Variants in OR9G4 observed in about 807,000 individuals in gnomAD.
OR9G4 encodes olfactory receptor family 9 subfamily G member 4.
OR9G4 carries 19 observed loss-of-function variants against 16.7 expected under a neutral mutation model. The observed-to-expected ratio is 1.14, with a 90% confidence interval of 0.79 to 1.67. OR9G4 has a LOEUF of 1.67. OR9G4 is among the 40% of genes most tolerant of loss of function. OR9G4 has a pLI of 0.00. For missense variants in OR9G4, 428 were observed against 370.4 expected (o/e 1.16, Z -1.28); for synonymous variants, 182 against 146.2 (o/e 1.24, Z -1.76).
At chr11:56,745,039 T>G (rs936322403) in intron 1 of OR9G4, among the ~76,000 whole-genome samples, 1 of 152,056 alleles carries the variant, frequency 6.6e-6, no homozygotes, top group African/African-American at 2.4e-5. Context: ...TGTATTTACC[T>G]CCAAAAGGGC....
intron 1 of OR9G4, among the ~76,000 whole-genome samples, chr11:56,747,324 G>A (rs778860943): frequency 5.9e-5 from 9 of 151,586 alleles, no homozygotes; most frequent in Non-Finnish European, 1.2e-4. Context: ...CCTTTCAAAC[G>A]TCACATTCTG....
At position 56,743,149 on chromosome 11, in the gene OR9G4, T is replaced by C. The variant is rs1858331150; in HGVS notation, c.618A>G (p.Thr206=). The change falls in exon 2 of 2, where the codon ACA becomes ACG. Residue 206 remains threonine (T), a synonymous_variant. Transcript: ENST00000641668. The part of the protein sequence containing the change: ...EKVLLGVVGF[T]VLSSILAILI... The stretch of plus-strand genomic sequence containing the variant: ...GGATAGCAAGAATGCTGGAGAGTAC[T>C]GTGAAGCCCACCACACCAAGCAGGA... The C allele has an allele frequency of 6.2e-7, 1 of 1,613,980 alleles. No individual in the cohort carries two copies. Among genetic ancestry groups the C allele is most frequent in the Admixed American group, 1.7e-5 (1 of 60,000 alleles).
intron 1 of OR9G4, among the ~76,000 whole-genome samples, chr11:56,747,423 C>T (rs1274479872): frequency 1.3e-5 from 2 of 152,102 alleles, no homozygotes; most frequent in African/African-American, 4.8e-5. Context: ...TATTACTCTA[C>T]TCCAATTCTA....
intron 1 of OR9G4, 28 bp from the exon 2 acceptor site, chr11:56,743,816 T>C (rs780550194): frequency 2.0e-5 from 32 of 1,602,450 alleles, no homozygotes; most frequent in Non-Finnish European, 2.6e-5. Flanking sequence ...AATCATCACT[T>C]AGTGTTTTTT....
chr11:56,745,882 T>G (rs774222521), intron 1 of OR9G4, among the ~76,000 whole-genome samples: 2 of 152,202 alleles, frequency 1.3e-5, no homozygotes, highest in Non-Finnish European at 2.9e-5. Context: ...CACACGTATC[T>G]TGGGATACAC....
rs199586597 is a variant in OR9G4 at position 56,742,992 on chromosome 11, A to G, written c.775T>C (p.Tyr259His). Residue 259 changes from tyrosine to histidine, a missense_variant, in exon 2 of 2, where the codon TAT (tyrosine) becomes CAT (histidine). Transcript: ENST00000641668. ...MLFYGSLLFM[Y>H]SRPSSTYSLE... ...GAGTAGGTGGAACTAGGCCTTGAAT[A>G]CATAAACAACAATGATCCATAGAAG... The G allele has an allele frequency of 3.5e-5, 56 of 1,614,032 alleles. No homozygotes were observed. The highest frequency in any genetic ancestry group is 1.1e-5 in the South Asian group (1 of 91,092).
At chr11:56,746,252 C>T (rs1442116398) in intron 1 of OR9G4, among the ~76,000 whole-genome samples, 2 of 142,810 alleles carry the variant, frequency 1.4e-5, no homozygotes, top group Admixed American at 7.2e-5. Flanking sequence ...GAGATCCCGC[C>T]ACTGCACTCC....
Position 56,743,395 on chromosome 11 carries a change from T to C in OR9G4, c.372A>G (p.Ala124=), listed in dbSNP as rs983749715. 2 of 1,614,014 alleles carry C rather than the reference T, an allele frequency of 1.2e-6. No homozygotes were observed. The highest frequency in any genetic ancestry group is 1.7e-6 in the Non-Finnish European group (2 of 1,180,034). Residue 124 remains alanine, a synonymous_variant, in exon 2 of 2, where the codon GCA becomes GCG. Transcript: ENST00000641668. ...LLAAMAYDRH[A]AICNPLLYSG... ...AATAAAGCAATGGGTTACAAATTGC[T>C]GCATGGCGGTCATATGCCATGGCTG...
At chr11:56,746,484 C>T (rs59582818) in intron 1 of OR9G4, among the ~76,000 whole-genome samples, 10,064 of 151,898 alleles carry the variant, frequency 0.066, 1,085 homozygotes, top group African/African-American at 0.23. Flanking sequence ...TGTAAAAACA[C>T]GCAAAATTTT....
At chr11:56,745,675 G>A (rs1370267094) in intron 1 of OR9G4, among the ~76,000 whole-genome samples, 1 of 151,934 alleles carries the variant, frequency 6.6e-6, no homozygotes, top group Non-Finnish European at 1.5e-5. Context: ...GGGAGGCTGA[G>A]GCAGGAGAAT....
chr11:56,746,081 C>T (rs1858407907), intron 1 of OR9G4, among the ~76,000 whole-genome samples: 1 of 151,804 alleles, frequency 6.6e-6, no homozygotes, highest in Non-Finnish European at 1.5e-5. Context: ...ATCACAAGGT[C>T]AGGAGATCGA....
In OR9G4 at chr11:56,742,224, C is replaced by A. The variant is rs1316499579; in HGVS notation, c.*604G>T. On this transcript the variant is annotated 3_prime_UTR_variant, in exon 2 of 2. Coordinates refer to ENST00000641668, the MANE Select transcript of OR9G4 (RefSeq NM_001005284.2). ...TTAGGATGATATGCAATTCTAAAGA[C>A]ACATATTTATTCATTAATTTTGAGA... 6.5e-6 allele frequency: 1 copy of A among 152,808 alleles called. No individual in the cohort carries two copies. Among genetic ancestry groups the A allele is most frequent in the Non-Finnish European group, 1.5e-5 (1 of 68,578 alleles). 9.5% of individuals were successfully genotyped at this position (152,808 alleles called of 1,614,324 possible). A position where few individuals can be genotyped will look rare whatever the true frequency, so the allele number is the denominator to read the frequency against.
chr11:56,748,602 C>T (rs2135064445), intron 1 of OR9G4, 54 bp downstream of exon 1: 1 of 152,360 alleles, frequency 6.6e-6, no homozygotes, highest in Non-Finnish European at 1.5e-5. Flanking sequence ...TGATTTGCAG[C>T]TGAGGTCAGA....
chr11:56,746,150 G>A (rs968651551), intron 1 of OR9G4, among the ~76,000 whole-genome samples: 8 of 151,060 alleles, frequency 5.3e-5, no homozygotes, highest in South Asian at 4.2e-4. Context: ...AAAATTAGCC[G>A]GGCGTAGTGG....
chr11:56,747,750 C>G (rs1384303141), intron 1 of OR9G4, among the ~76,000 whole-genome samples: 2 of 152,058 alleles, frequency 1.3e-5, no homozygotes, highest in Non-Finnish European at 1.5e-5. Context: ...TCTCCACTCA[C>G]AGCAACCTCT....
Position 56,741,250 on chromosome 11 carries a change from T to C in OR9G4, c.*1578A>G, listed in dbSNP as rs555350309. 29 of 332,888 alleles carry C rather than the reference T, an allele frequency of 8.7e-5. No homozygotes were observed. Among genetic ancestry groups the C allele is most frequent in the African/African-American group, 4.5e-4 (18 of 40,100 alleles). The allele number at this position is 332,888 out of a possible 1,614,324, so 20.6% of individuals were successfully genotyped here. Reference sequence around the variant, plus strand: ...TTCTTTGTGTTTCGTTTGTTTGTTATGATTTTGAGATCAGACTATAATATA... The same window carrying C: ...TTCTTTGTGTTTCGTTTGTTTGTTACGATTTTGAGATCAGACTATAATATA... On this transcript the variant is annotated 3_prime_UTR_variant, in exon 2 of 2. Coordinates refer to ENST00000641668, the MANE Select transcript of OR9G4 (RefSeq NM_001005284.2).
chr11:56,745,682 G>A (rs982346778), intron 1 of OR9G4, among the ~76,000 whole-genome samples: 3 of 151,182 alleles, frequency 2.0e-5, no homozygotes, highest in Non-Finnish European at 2.9e-5. Flanking sequence ...TGAGGCAGGA[G>A]AATCGCTTGA....
rs767376186 is a variant in OR9G4, at chr11:56,742,972, G to A, written c.795C>T (p.Thr265=). ...CTACTTTGTCCCTCTCTAGGGAGTA[G>A]GTGGAACTAGGCCTTGAATACATAA... ...LLFMYSRPSS[T]YSLERDKVAA... Residue 265 remains threonine (T), a synonymous_variant, in exon 2 of 2, where the codon ACC becomes ACT. Transcript: ENST00000641668. The A allele has an allele frequency of 1.2e-6, 2 of 1,614,094 alleles. No individual in the cohort carries two copies. Among genetic ancestry groups the A allele is most frequent in the Non-Finnish European group, 1.7e-6 (2 of 1,179,986 alleles).
chr11:56,747,878 G>T (rs1242837205), intron 1 of OR9G4, among the ~76,000 whole-genome samples: 1 of 152,134 alleles, frequency 6.6e-6, no homozygotes, highest in Non-Finnish European at 1.5e-5. Flanking sequence ...GCTTCACTAT[G>T]TTGGCCAGGC....
Sources: gnomAD v4.1 joint callset for allele counts (sites outside exome capture counted in the v4.1 genomes callset) on GRCh38, gnomAD v4.1.1 for gene constraint, MANE v1.5 for transcripts, NCBI Gene and HGNC (gene_info 2026-07-23, HGNC 2026-07-21) for gene names.